Variants in FBXL17 observed in about 807,000 individuals in gnomAD.
FBXL17 encodes the protein F-box and leucine rich repeat protein 17.
A neutral mutation model predicts 66.2 loss-of-function variants in FBXL17; 22 were observed. The observed-to-expected ratio is 0.33, with a 90% CI of 0.24 to 0.47. The LOEUF is 0.47. Among genes scored for constraint, FBXL17 ranks in the 20% least tolerant of loss-of-function variants. FBXL17 has a pLI of 1.00. For synonymous variants in FBXL17, 474 were observed against 400.5 expected, an observed-to-expected ratio of 1.18 and a Z score of -2.19; for missense variants, 878 against 948.2, an observed-to-expected ratio of 0.93 and a Z score of 0.97.
At chr5:108,248,403 C>G (rs1429790000) in intron 4 of FBXL17, among the ~76,000 whole-genome samples, 1 of 152,038 alleles carries the variant, frequency 6.6e-6, no homozygotes, top group Non-Finnish European at 1.5e-5. Flanking sequence ...AGTACCCAAT[C>G]TGAAAAACAG....
chr5:108,345,896 A>G (rs1747246509), intron 4 of FBXL17, among the ~76,000 whole-genome samples: 1 of 152,184 alleles, frequency 6.6e-6, no homozygotes, highest in Non-Finnish European at 1.5e-5. Flanking sequence ...CAATTAAGCT[A>G]TAATACTCTT....
At chr5:108,221,882 T>C (rs537926517) in intron 5 of FBXL17, among the ~76,000 whole-genome samples, 1 of 152,298 alleles carries the variant, frequency 6.6e-6, no homozygotes, top group African/African-American at 2.4e-5. Flanking sequence ...GTATAAAATG[T>C]CCTCTTTTGC....
At chr5:108,184,106 G>C (rs544837044) in intron 6 of FBXL17, among the ~76,000 whole-genome samples, 1 of 152,000 alleles carries the variant, frequency 6.6e-6, no homozygotes, top group Non-Finnish European at 1.5e-5. Context: ...TTATTTTAAG[G>C]TATAAAAGGA....
chr5:108,091,824 G>A (rs1004440834), intron 6 of FBXL17, among the ~76,000 whole-genome samples: 2 of 152,184 alleles, frequency 1.3e-5, no homozygotes, highest in African/African-American at 4.8e-5. Flanking sequence ...CACTGAAACT[G>A]AGGTACACGT....
intron 4 of FBXL17, among the ~76,000 whole-genome samples, chr5:108,282,575 A>T (rs1186246143): frequency 6.6e-6 from 1 of 151,826 alleles, no homozygotes; most frequent in East Asian, 1.9e-4. Context: ...AATGATGAGT[A>T]TTTAAAGCAT....
At chr5:108,191,595 T>C (rs890172566) in intron 5 of FBXL17, among the ~76,000 whole-genome samples, 4 of 152,220 alleles carry the variant, frequency 2.6e-5, no homozygotes, top group Non-Finnish European at 5.9e-5. Flanking sequence ...AGATACTTGA[T>C]AGAGAGATGT....
chr5:108,274,515 T>C (rs759421729), intron 4 of FBXL17, among the ~76,000 whole-genome samples: 16 of 152,318 alleles, frequency 1.1e-4, no homozygotes, highest in Middle Eastern at 6.8e-3. Context: ...TTCATATTAC[T>C]CAAACACACA....
chr5:108,205,862 G>A (rs1239199102), intron 5 of FBXL17, among the ~76,000 whole-genome samples: 7 of 151,934 alleles, frequency 4.6e-5, no homozygotes, highest in Admixed American at 1.3e-4. Context: ...TCAGCCTTCC[G>A]AGTAGATGGG....
At chr5:107,895,845 A>C (rs1749362099) in intron 7 of FBXL17, among the ~76,000 whole-genome samples, 1 of 152,136 alleles carries the variant, frequency 6.6e-6, no homozygotes, top group Non-Finnish European at 1.5e-5. Context: ...CCAGGTTTCT[A>C]TGTTCAAGAG....
At chr5:108,296,848 G>A (rs1008018703) in intron 4 of FBXL17, among the ~76,000 whole-genome samples, 2 of 151,052 alleles carry the variant, frequency 1.3e-5, no homozygotes, top group South Asian at 2.1e-4. Context: ...CATTCAATAT[G>A]ACAAAAATCA....
At chr5:107,974,554 T>TA (rs1752509326) in intron 7 of FBXL17, among the ~76,000 whole-genome samples, 1 of 152,180 alleles carries the variant, frequency 6.6e-6, no homozygotes, top group South Asian at 2.1e-4. Context: ...CCAAAGGATC[T>TA]AAATAACACA....
chr5:107,967,179 G>A (rs573226210), intron 7 of FBXL17, among the ~76,000 whole-genome samples: 2 of 150,592 alleles, frequency 1.3e-5, no homozygotes, highest in African/African-American at 2.4e-5. Context: ...TTCTTTTTTT[G>A]TACATCGTTT....
intron 6 of FBXL17, among the ~76,000 whole-genome samples, chr5:108,029,192 T>A (rs990764256): frequency 6.6e-6 from 1 of 152,114 alleles, no homozygotes; most frequent in South Asian, 2.1e-4. Context: ...GCAAGCAGGA[T>A]GGCAGAATAG....
chr5:108,101,224 T>G (rs1457108916), intron 6 of FBXL17, among the ~76,000 whole-genome samples: 1 of 152,250 alleles, frequency 6.6e-6, no homozygotes, highest in Non-Finnish European at 1.5e-5. Context: ...TGGAATAGCA[T>G]AGCAGGAAGA....
intron 6 of FBXL17, among the ~76,000 whole-genome samples, chr5:108,104,553 A>C (rs1315548725): frequency 6.6e-6 from 1 of 152,214 alleles, no homozygotes; most frequent in Non-Finnish European, 1.5e-5. Context: ...CTGATGGAGA[A>C]GAACAAAAGT....
chr5:108,290,701 T>C (rs1758074508), intron 4 of FBXL17, among the ~76,000 whole-genome samples: 1 of 152,206 alleles, frequency 6.6e-6, no homozygotes, highest in Non-Finnish European at 1.5e-5. Context: ...TCCATTTATT[T>C]AGATCCTATA....
At chr5:108,289,311 A>C (rs1223069059) in intron 4 of FBXL17, among the ~76,000 whole-genome samples, 1 of 152,090 alleles carries the variant, frequency 6.6e-6, no homozygotes, top group African/African-American at 2.4e-5. Flanking sequence ...TGTTTTTCTA[A>C]AATGTTAAGA....
At chr5:108,312,538 A>G (rs1209585246) in intron 4 of FBXL17, among the ~76,000 whole-genome samples, 3 of 152,116 alleles carry the variant, frequency 2.0e-5, no homozygotes, top group Admixed American at 2.0e-4. Context: ...ATGAGTAAAA[A>G]AACTTTTATA....
intron 4 of FBXL17, among the ~76,000 whole-genome samples, chr5:108,262,631 G>A (rs1313298636): frequency 6.6e-6 from 1 of 151,994 alleles, no homozygotes; most frequent in Non-Finnish European, 1.5e-5. Context: ...CATTATAGGA[G>A]GCTACTGGAA....
Sources: allele counts gnomAD v4.1 joint callset (sites outside exome capture counted in the v4.1 genomes callset), GRCh38; gene constraint gnomAD v4.1.1; transcripts MANE v1.5; gene names NCBI Gene and HGNC (gene_info 2026-07-23, HGNC 2026-07-21).